SORCS3: variants seen among roughly 807,000 people sequenced by gnomAD.
The protein encoded by SORCS3 is VPS10 domain-containing receptor SorCS3.
In SORCS3, 57 loss-of-function variants were observed where a neutral mutation model predicts 146.3. The ratio of observed to expected loss-of-function variants is 0.39; its 90% confidence interval spans 0.31 to 0.49. SORCS3 has a LOEUF of 0.49. SORCS3 is among the 20% of genes least tolerant of loss of function. SORCS3 has a pLI of 0.92. For synonymous variants in SORCS3, 653 were observed against 618.5 expected, an observed-to-expected ratio of 1.06 and a Z score of -0.83; for missense variants, 1,341 against 1,575.5, an observed-to-expected ratio of 0.85 and a Z score of 2.52.
intron 7 of SORCS3, among the ~76,000 whole-genome samples, chr10:105,129,854 G>A (rs956638910): frequency 5.3e-5 from 8 of 152,196 alleles, no homozygotes; most frequent in African/African-American, 1.9e-4. Context: ...GTTTCCTCTA[G>A]GAATTCATCT....
intron 2 of SORCS3, among the ~76,000 whole-genome samples, chr10:104,913,748 G>A (rs1368222250): frequency 6.7e-6 from 1 of 148,512 alleles, no homozygotes; most frequent in Non-Finnish European, 1.5e-5. Flanking sequence ...TGCCTCATGA[G>A]ACTAAATTAT....
At chr10:105,200,172 TC>T in intron 15 of SORCS3, 56 bp downstream of exon 15, 1 of 1,340,490 alleles carries the variant, frequency 7.5e-7, no homozygotes, top group Non-Finnish European at 1.1e-6. Flanking sequence ...CTAGTGCAAG[TC>T]CGACTGGGTC....
chr10:104,732,517 C>G lies in SORCS3; in HGVS notation c.627+90563C>G, dbSNP rs575893231. Among the ~76,000 whole-genome samples, 7 of 152,262 alleles carry G rather than the reference C, an allele frequency of 4.6e-5. 1 individual carries two copies. The South Asian group carries it at 1.4e-3, about 32-fold the overall frequency. ...GCTCTGCTTCAGGAAGTTAAAAATG[C>G]CAAATGCCAGTGCCTTTGCTGTGCC... On this transcript the variant is annotated intron_variant, in intron 1 of 26. Transcript: ENST00000369701.
chr10:105,237,668 G>T (rs1336489922), intron 20 of SORCS3, among the ~76,000 whole-genome samples: 1 of 152,170 alleles, frequency 6.6e-6, no homozygotes, highest in Non-Finnish European at 1.5e-5. Context: ...TATATGGGGA[G>T]TGCCGTGATT....
At chr10:105,137,941 T>A (rs1047428494) in intron 7 of SORCS3, among the ~76,000 whole-genome samples, 5 of 150,024 alleles carry the variant, frequency 3.3e-5, no homozygotes, top group Non-Finnish European at 7.5e-5. Flanking sequence ...AAGGATGATA[T>A]TTTATGCACT....
intron 4 of SORCS3, among the ~76,000 whole-genome samples, chr10:104,987,360 A>G (rs1466845366): frequency 2.0e-5 from 3 of 152,064 alleles, no homozygotes; most frequent in Non-Finnish European, 4.4e-5. Flanking sequence ...ATTTTTTATT[A>G]TTTCATTACA....
chr10:105,059,195 C>T (rs1254890728), intron 5 of SORCS3, among the ~76,000 whole-genome samples: 1 of 152,140 alleles, frequency 6.6e-6, no homozygotes, highest in African/African-American at 2.4e-5. Context: ...CAAACTGGTT[C>T]CCCCTTATCA....
chr10:104,855,811 C>T (rs575469925), intron 2 of SORCS3, among the ~76,000 whole-genome samples: 9 of 152,162 alleles, frequency 5.9e-5, no homozygotes, highest in Middle Eastern at 3.4e-3. Flanking sequence ...ACATGGCTCA[C>T]CACAGCCTTG....
intron 1 of SORCS3, among the ~76,000 whole-genome samples, chr10:104,813,915 GTTTTC>G (rs1046972120): frequency 2.7e-5 from 4 of 146,502 alleles, no homozygotes; most frequent in East Asian, 2.0e-4. Context: ...ATTTAAGGGA[GTTTTC>G]TTTTCTTTCT....
intron 1 of SORCS3, among the ~76,000 whole-genome samples, chr10:104,731,148 G>A (rs1014062597): frequency 2.4e-4 from 37 of 152,308 alleles, no homozygotes; most frequent in African/African-American, 8.7e-4. Flanking sequence ...CGCTGAGCCC[G>A]CATTCCCTTG....
In SORCS3 at chr10:105,016,583, C is replaced by A. The variant is rs7092232; in HGVS notation, c.955-26472C>A. ...CTAAAAGCAGTAACAACAACAACAACAAAAAATAGCTGTCAATTTTATAAC... is the reference window on the plus strand; with the variant it reads ...CTAAAAGCAGTAACAACAACAACAAAAAAAAATAGCTGTCAATTTTATAAC... On this transcript the variant is annotated intron_variant, in intron 4 of 26. Coordinates refer to ENST00000369701, the MANE Select transcript of SORCS3 (RefSeq NM_014978.3). 9.7e-3 allele frequency among the ~76,000 whole-genome samples: 1,468 copies of A among 152,112 alleles called. 14 individuals are homozygous for A. The highest frequency in any genetic ancestry group is 0.023 in the African/African-American group (958 of 41,506).
At chr10:104,971,340 G>A (rs1031184065) in intron 3 of SORCS3, among the ~76,000 whole-genome samples, 5 of 152,188 alleles carry the variant, frequency 3.3e-5, no homozygotes, top group African/African-American at 9.7e-5. Context: ...TAAGACAATC[G>A]CAATAGGTAG....
intron 7 of SORCS3, among the ~76,000 whole-genome samples, chr10:105,108,545 A>T (rs1187926157): frequency 6.6e-6 from 1 of 152,192 alleles, no homozygotes; most frequent in African/African-American, 2.4e-5. Context: ...GTTCAATGAG[A>T]TGAGCAGAAA....
chr10:105,024,699 C>T (rs746197911), intron 4 of SORCS3, among the ~76,000 whole-genome samples: 2 of 152,200 alleles, frequency 1.3e-5, no homozygotes, highest in Non-Finnish European at 2.9e-5. Context: ...TTGGAGTTTC[C>T]ACTTCAGGCA....
chr10:104,757,863 C>A (rs895411380), intron 1 of SORCS3, among the ~76,000 whole-genome samples: 3 of 55,340 alleles, frequency 5.4e-5, no homozygotes, highest in African/African-American at 1.6e-4. Flanking sequence ...CACCACCCCC[C>A]CCCCCACACC....
At chr10:105,224,804 T>C (rs2056724687) in intron 20 of SORCS3, among the ~76,000 whole-genome samples, 1 of 152,150 alleles carries the variant, frequency 6.6e-6, no homozygotes, top group South Asian at 2.1e-4. Flanking sequence ...TGATATCACA[T>C]TTTTGTTTAA....
chr10:104,761,885 C>T (rs372598517), intron 1 of SORCS3, among the ~76,000 whole-genome samples: 1 of 152,194 alleles, frequency 6.6e-6, no homozygotes, highest in African/African-American at 2.4e-5. Flanking sequence ...TGCAACATTG[C>T]CTGCTTTTGC....
At chr10:105,110,891 C>A (rs1260769431) in intron 7 of SORCS3, among the ~76,000 whole-genome samples, 1 of 152,158 alleles carries the variant, frequency 6.6e-6, no homozygotes, top group Non-Finnish European at 1.5e-5. Flanking sequence ...TCTCCCAGAT[C>A]AACACCAACC....
chr10:104,690,109 C>T (rs1372606765), intron 1 of SORCS3, among the ~76,000 whole-genome samples: 2 of 152,154 alleles, frequency 1.3e-5, no homozygotes, highest in Non-Finnish European at 2.9e-5. Context: ...GGGTCTGGCT[C>T]ACTGAGGAAT....
Sources: allele counts gnomAD v4.1 joint callset (sites outside exome capture counted in the v4.1 genomes callset), GRCh38; gene constraint gnomAD v4.1.1; transcripts MANE v1.5; gene names NCBI Gene and HGNC (gene_info 2026-07-23, HGNC 2026-07-21).